DUSP16: variants seen among roughly 807,000 people sequenced by gnomAD.
DUSP16 encodes dual specificity phosphatase 16.
Under a neutral mutation model 58.3 loss-of-function variants are expected in DUSP16, and 21 were observed. The ratio of observed to expected loss-of-function variants is 0.36; its 90% CI spans 0.26 to 0.52. The LOEUF is 0.52. Among genes scored for constraint, DUSP16 ranks in the 20% least tolerant of loss-of-function variants. The probability of loss-of-function intolerance (pLI) is 0.94; values close to 1 mark genes in which losing one functional copy is unlikely to be tolerated. For missense variants in DUSP16, 726 were observed against 819.0 expected, an observed-to-expected ratio of 0.89 and a Z score of 1.39; for synonymous variants, 320 against 323.8, an observed-to-expected ratio of 0.99 and a Z score of 0.12.
At chr12:12,544,961 T>C (rs993666731) in intron 1 of DUSP16, among the ~76,000 whole-genome samples, 1 of 152,210 alleles carries the variant, frequency 6.6e-6, no homozygotes, top group Admixed American at 6.5e-5. Flanking sequence ...GATTCAGGGC[T>C]CTATTCTGTT....
chr12:12,530,010 A>G (rs1279417548), intron 1 of DUSP16, among the ~76,000 whole-genome samples: 1 of 152,192 alleles, frequency 6.6e-6, no homozygotes, highest in Non-Finnish European at 1.5e-5. Flanking sequence ...GTATGCAAAC[A>G]TCTCATTTTC....
In DUSP16 at chr12:12,476,005, G is replaced by A. The variant is rs757903760; in HGVS notation, c.*828C>T. The A allele has an allele frequency of 3.3e-5, 5 of 152,218 alleles. No homozygotes were observed. Among genetic ancestry groups the A allele is most frequent in the Non-Finnish European group, 7.3e-5 (5 of 68,032 alleles). The allele number at this position is 152,218 out of a possible 1,614,324, so 9.4% of individuals were successfully genotyped here. ...TAGCCTCCCAACCTTAGCTTAAATC[G>A]TGATGTTGCCAGGTTCCTGGTGGTT... On this transcript the variant is annotated 3_prime_UTR_variant, in exon 7 of 7. Coordinates refer to ENST00000298573, the MANE Select transcript of DUSP16 (RefSeq NM_030640.3).
At chr12:12,506,731 A>G (rs866525166) in intron 3 of DUSP16, among the ~76,000 whole-genome samples, 1 of 152,266 alleles carries the variant, frequency 6.6e-6, no homozygotes, top group African/African-American at 2.4e-5. Flanking sequence ...AGGGATGGGC[A>G]GTCCCTGCAG....
chr12:12,527,520 C>T (rs539783696), intron 1 of DUSP16, among the ~76,000 whole-genome samples: 173 of 152,162 alleles, frequency 1.1e-3, no homozygotes, highest in African/African-American at 4.1e-3. Context: ...GAACTTGGTG[C>T]GGCAAACCAC....
At chr12:12,489,035 G>T (rs756011961) in intron 4 of DUSP16, among the ~76,000 whole-genome samples, 2 of 152,166 alleles carry the variant, frequency 1.3e-5, no homozygotes, top group Non-Finnish European at 2.9e-5. Flanking sequence ...AGCTGAGATC[G>T]CGCCATTGCA....
At chr12:12,534,709 C>T (rs549998295) in intron 1 of DUSP16, among the ~76,000 whole-genome samples, 1 of 152,268 alleles carries the variant, frequency 6.6e-6, no homozygotes, top group South Asian at 2.1e-4. Context: ...TGATGTACTG[C>T]TATTATAACA....
At chr12:12,496,602 G>C (rs1943831499) in intron 4 of DUSP16, among the ~76,000 whole-genome samples, 1 of 152,218 alleles carries the variant, frequency 6.6e-6, no homozygotes, top group Non-Finnish European at 1.5e-5. Flanking sequence ...CAATAGGTAA[G>C]TCAGTCATAT....
rs762630809 is a variant in DUSP16, at chr12:12,480,345, C to T, written c.693G>A (p.Glu231=). Residue 231 remains glutamate, a splice_region_variant and synonymous_variant, in exon 6 of 7, where the codon GAG becomes GAA. Coordinates refer to ENST00000298573, the MANE Select transcript of DUSP16 (RefSeq NM_030640.3). ...CACATCCATTGGAGGCTTTTGCTTT[C>T]TCTGTATAAGTCAAATGCAAGAAAG... is the stretch of plus-strand genomic sequence containing the variant. The part of the protein sequence containing the change: ...PWLDKSVDFI[E]KAKASNGCVL... 1 of 1,613,262 alleles carries T rather than the reference C, an allele frequency of 6.2e-7. No homozygotes were observed. Among genetic ancestry groups the T allele is most frequent in the South Asian group, 1.1e-5 (1 of 90,790 alleles).
chr12:12,524,768 TTTC>T (rs1211512254), intron 1 of DUSP16, among the ~76,000 whole-genome samples: 4 of 152,174 alleles, frequency 2.6e-5, no homozygotes, highest in African/African-American at 7.2e-5. Flanking sequence ...GTTGAAATAC[TTTC>T]TTTAGATTTT....
chr12:12,558,689 T>C (rs1944847864), intron 1 of DUSP16, among the ~76,000 whole-genome samples: 1 of 152,210 alleles, frequency 6.6e-6, no homozygotes, highest in Admixed American at 6.5e-5. Context: ...CTACATTTTT[T>C]AATGTAATAA....
In DUSP16 at chr12:12,477,209, G is replaced by A. The variant is rs769177105; in HGVS notation, c.1622C>T (p.Ser541Leu). 3 of 1,614,194 alleles carry A rather than the reference G, an allele frequency of 1.9e-6. No individual in the cohort carries two copies. The highest frequency in any genetic ancestry group is 1.3e-5 in the African/African-American group (1 of 75,070). The change falls in exon 7 of 7, where the codon TCG (serine) becomes TTG (leucine). Residue 541 changes from serine (S) to leucine (L), a missense_variant. Physicochemically the swap from Ser to Leu is moderately radical, Grantham distance 145 (BLOSUM62 -2). Transcript: ENST00000298573. This position sits in a 1 kb window ranked among gnomAD's most constrained non-coding sequence, Gnocchi z 4.1. The part of the protein sequence containing the change: ...SAGLGLKGWH[S>L]DILAPQTSTP... ...AGAGGTCTGGGGGGCCAAGATATCC[G>A]AGTGCCAGCCCTTAAGGCCCAGGCC... is the stretch of plus-strand genomic sequence containing the variant.
chr12:12,556,637 T>C (rs754190160), intron 1 of DUSP16, among the ~76,000 whole-genome samples: 6 of 151,990 alleles, frequency 3.9e-5, no homozygotes, highest in Non-Finnish European at 5.9e-5. Flanking sequence ...TCTTAAAGAA[T>C]GCTTCAGAAG....
At chr12:12,546,804 T>C (rs987130046) in intron 1 of DUSP16, among the ~76,000 whole-genome samples, 8 of 152,234 alleles carry the variant, frequency 5.3e-5, no homozygotes, top group African/African-American at 1.9e-4. Context: ...TGGCACCATA[T>C]GGCAATAATA....
At position 12,477,784 on chromosome 12, in the gene DUSP16, T is replaced by G. The variant is rs1187532949; in HGVS notation, c.1047A>C (p.Ala349=). ...CGGGATGCACGGGCCTTTGTCCTGC[T>G]GCCTCTGAGGTAGCAGAGTCGGCAC... ...PPCADSATSE[A]AGQRPVHPAS... Residue 349 remains alanine, a synonymous_variant, in exon 7 of 7, where the codon GCA becomes GCC. Coordinates refer to ENST00000298573, the MANE Select transcript of DUSP16 (RefSeq NM_030640.3). This position sits in a 1 kb window ranked among gnomAD's most constrained non-coding sequence, Gnocchi z 4.1. The G allele has an allele frequency of 2.5e-6, 4 of 1,613,908 alleles. No homozygotes were observed. In the African/African-American group the frequency reaches 5.3e-5, roughly 22 times the overall value.
At chr12:12,493,654 A>T (rs1943791563) in intron 4 of DUSP16, among the ~76,000 whole-genome samples, 1 of 152,088 alleles carries the variant, frequency 6.6e-6, no homozygotes, top group South Asian at 2.1e-4. Flanking sequence ...CTCTTCCTTT[A>T]GCATACCACA....
intron 2 of DUSP16, among the ~76,000 whole-genome samples, chr12:12,520,368 T>C (rs1944214809): frequency 6.6e-6 from 1 of 152,188 alleles, no homozygotes; most frequent in African/African-American, 2.4e-5. Context: ...TTATTTAAAT[T>C]AAAACATGAG....
intron 1 of DUSP16, among the ~76,000 whole-genome samples, chr12:12,549,914 C>T (rs552026420): frequency 6.6e-6 from 1 of 152,254 alleles, no homozygotes; most frequent in Non-Finnish European, 1.5e-5. Flanking sequence ...TATCTGGCCA[C>T]ATGGCTCATC....
At chr12:12,552,375 G>A (rs1275803309) in intron 1 of DUSP16, among the ~76,000 whole-genome samples, 1 of 152,074 alleles carries the variant, frequency 6.6e-6, no homozygotes, top group Non-Finnish European at 1.5e-5. Context: ...GAACCCGGGA[G>A]GCAGAGGTTG....
intron 1 of DUSP16, among the ~76,000 whole-genome samples, chr12:12,546,294 T>C (rs1032369350): frequency 6.6e-6 from 1 of 152,326 alleles, no homozygotes; most frequent in East Asian, 1.9e-4. Context: ...CACAATTAAA[T>C]GTCCAGCCTA....
Sources: gnomAD v4.1 joint callset for allele counts (sites outside exome capture counted in the v4.1 genomes callset) on GRCh38, gnomAD v4.1.1 for gene constraint, Gnocchi (gnomAD v3.1) non-coding constraint, MANE v1.5 for transcripts, NCBI Gene and HGNC (gene_info 2026-07-23, HGNC 2026-07-21) for gene names.